The following TAFA1 variants were observed in gnomAD, a reference collection of about 807,000 sequenced individuals.
The protein encoded by TAFA1 is chemokine-like protein TAFA-1.
Under a neutral mutation model 18.5 loss-of-function variants are expected in TAFA1, and 4 were observed. That is an observed-to-expected ratio of 0.22 (90% CI 0.11 to 0.49). TAFA1 has a LOEUF of 0.49. Ranked by LOEUF, TAFA1 falls within the 20% of genes least tolerant of loss-of-function variation. TAFA1 has a pLI of 0.98. For missense variants in TAFA1, 147 were observed against 169.0 expected (o/e 0.87, Z 0.72); for synonymous variants, 56 against 55.2 (o/e 1.01, Z -0.06).
At chr3:68,131,933 G>C (rs1351463279) in intron 2 of TAFA1, among the ~76,000 whole-genome samples, 5 of 151,824 alleles carry the variant, frequency 3.3e-5, no homozygotes, top group Non-Finnish European at 5.9e-5. Flanking sequence ...TGTACATGCA[G>C]GTTTGTTACA....
At chr3:68,119,422 T>A (rs1291820875) in intron 2 of TAFA1, among the ~76,000 whole-genome samples, 1 of 152,198 alleles carries the variant, frequency 6.6e-6, no homozygotes, top group African/African-American at 2.4e-5. Context: ...CTTTTGTTGC[T>A]TGTGCTCTTG....
chr3:67,991,709 G>C, the TAFA1 span, among the ~76,000 whole-genome samples: 1 of 152,180 alleles, frequency 6.6e-6, no homozygotes, highest in Non-Finnish European at 1.5e-5. Context: ...CCCTGGTCCT[G>C]AGACTTTTGG....
chr3:68,105,830 G>T (rs535526885), intron 2 of TAFA1, among the ~76,000 whole-genome samples: 2 of 152,176 alleles, frequency 1.3e-5, no homozygotes, highest in South Asian at 4.1e-4. Context: ...AGAGATTTCA[G>T]CTGCCTCCCT....
chr3:68,241,702 C>T (rs1213007219), intron 2 of TAFA1, among the ~76,000 whole-genome samples: 1 of 152,050 alleles, frequency 6.6e-6, no homozygotes, highest in African/African-American at 2.4e-5. Context: ...TCCTCTTTTC[C>T]AGGCAATGGA....
intron 2 of TAFA1, among the ~76,000 whole-genome samples, chr3:68,070,449 C>T (rs968962372): frequency 3.3e-5 from 5 of 152,220 alleles, no homozygotes; most frequent in Non-Finnish European, 7.3e-5. Context: ...TCTTGTCCAC[C>T]TAGGCCAGTG....
chr3:68,015,890 G>A (rs1704560284), intron 2 of TAFA1, among the ~76,000 whole-genome samples: 1 of 152,108 alleles, frequency 6.6e-6, no homozygotes, highest in South Asian at 2.1e-4. Flanking sequence ...AGTGTTTACT[G>A]AACTTCCTTA....
intron 2 of TAFA1, among the ~76,000 whole-genome samples, chr3:68,110,501 T>A (rs1435094314): frequency 1.3e-5 from 2 of 152,168 alleles, no homozygotes; most frequent in Non-Finnish European, 2.9e-5. Context: ...ATACCCAGTA[T>A]AGGATTGCTG....
chr3:68,455,215 G>A (rs545352709), intron 3 of TAFA1, among the ~76,000 whole-genome samples: 2 of 152,036 alleles, frequency 1.3e-5, no homozygotes, highest in East Asian at 1.9e-4. Flanking sequence ...CTGAGGAGGA[G>A]GAGGAAGATG....
chr3:68,258,847 C>A (rs1175625888), intron 2 of TAFA1, among the ~76,000 whole-genome samples: 9 of 152,186 alleles, frequency 5.9e-5, no homozygotes, highest in Non-Finnish European at 8.8e-5. Context: ...GTTTTATTCT[C>A]TTCTGCATCT....
At chr3:68,090,507 A>T (rs1342075604) in intron 2 of TAFA1, among the ~76,000 whole-genome samples, 1 of 152,170 alleles carries the variant, frequency 6.6e-6, no homozygotes. Flanking sequence ...TCTGCTTTGT[A>T]CCCCATGTTG....
intron 2 of TAFA1, among the ~76,000 whole-genome samples, chr3:68,120,186 T>C (rs1358317945): frequency 1.6e-4 from 4 of 25,222 alleles, no homozygotes; most frequent in South Asian, 2.2e-3. Context: ...TCTTTCTTTC[T>C]TTCTTTCTTT....
chr3:68,436,942 G>A (rs1407915864), intron 3 of TAFA1, among the ~76,000 whole-genome samples: 1 of 152,152 alleles, frequency 6.6e-6, no homozygotes, highest in Admixed American at 6.6e-5. Flanking sequence ...GCTGAAAACT[G>A]TTTCTGTTCT....
chr3:68,504,821 G>T (rs896696889), intron 3 of TAFA1, among the ~76,000 whole-genome samples: 1 of 152,162 alleles, frequency 6.6e-6, no homozygotes, highest in African/African-American at 2.4e-5. Context: ...TTCAACCTGT[G>T]CTATGGTACA....
intron 2 of TAFA1, among the ~76,000 whole-genome samples, chr3:68,295,084 G>T (rs549313871): frequency 2.3e-4 from 35 of 151,472 alleles, no homozygotes; most frequent in African/African-American, 8.0e-4. Context: ...CCTCAGTTTT[G>T]TCCCCTTCGC....
At chr3:68,214,821 A>T (rs76019468) in intron 2 of TAFA1, among the ~76,000 whole-genome samples, 6,649 of 152,054 alleles carry the variant, frequency 0.044, 213 homozygotes, top group East Asian at 0.15. Context: ...AGGAGAATTT[A>T]TTGTCCCTGT....
intron 2 of TAFA1, among the ~76,000 whole-genome samples, chr3:68,332,105 C>G (rs368626329): frequency 2.6e-5 from 4 of 151,548 alleles, no homozygotes; most frequent in African/African-American, 9.7e-5. Context: ...CCTCGTGATC[C>G]GCCCGCCTCG....
At chr3:68,310,784 G>A (rs1271225321) in intron 2 of TAFA1, among the ~76,000 whole-genome samples, 1 of 152,126 alleles carries the variant, frequency 6.6e-6, no homozygotes, top group Non-Finnish European at 1.5e-5. Context: ...CAATGTTAAT[G>A]CTAAAAGATA....
chr3:68,544,212 A>C (rs1042993350), intron 4 of TAFA1, among the ~76,000 whole-genome samples: 12 of 152,132 alleles, frequency 7.9e-5, no homozygotes, highest in African/African-American at 2.9e-4. Flanking sequence ...TGCCTAGGAA[A>C]CCAGTCCTGG....
chr3:68,191,257 A>C (rs1042892575), intron 2 of TAFA1, among the ~76,000 whole-genome samples: 3 of 151,828 alleles, frequency 2.0e-5, no homozygotes, highest in African/African-American at 4.8e-5. Flanking sequence ...CCTCATATGG[A>C]ATCCTCAACA....
Sources: allele counts gnomAD v4.1 joint callset (sites outside exome capture counted in the v4.1 genomes callset), GRCh38; gene constraint gnomAD v4.1.1; transcripts MANE v1.5; gene names NCBI Gene and HGNC (gene_info 2026-07-23, HGNC 2026-07-21).